Variants in ATG10 observed in about 807,000 individuals in gnomAD.
ATG10 encodes the protein ubiquitin-like-conjugating enzyme ATG10.
Under a neutral mutation model 32.1 loss-of-function variants are expected in ATG10, and 30 were observed. The observed-to-expected ratio is 0.94, with a 90% CI of 0.70 to 1.27. The LOEUF (loss-of-function observed/expected upper bound fraction) is 1.27. Ranked by LOEUF, ATG10 falls within the 50% of genes most tolerant of loss-of-function variation. The pLI, the probability that ATG10 is intolerant of heterozygous loss-of-function variation, is 0.00. For synonymous variants in ATG10, 87 were observed against 91.5 expected (o/e 0.95, Z 0.28); for missense variants, 233 against 262.3 (o/e 0.89, Z 0.77).
Position 82,060,101 on chromosome 5 carries a change from A to G in ATG10, c.216+1499A>G, listed in dbSNP as rs539957224. Among the ~76,000 whole-genome samples the G allele has an allele frequency of 5.3e-5, 8 of 152,326 alleles. No homozygotes were observed. In the East Asian group the frequency reaches 9.6e-4, roughly 18 times the overall value. ...TTCTGGTTGATGTTTTAACTTCACA[A>G]AGTTTAAAGATGTGCACATACTATG... On this transcript the variant is annotated intron_variant, in intron 3 of 7. Coordinates refer to ENST00000282185, the MANE Select transcript of ATG10 (RefSeq NM_031482.5).
chr5:82,139,683 CG>C (rs1766974276), intron 3 of ATG10, among the ~76,000 whole-genome samples: 1 of 146,628 alleles, frequency 6.8e-6, no homozygotes, highest in Non-Finnish European at 1.5e-5. Flanking sequence ...CGTCTCCGCC[CG>C]GCAGCCACCC....
Position 82,189,612 on chromosome 5 carries a change from T to C in ATG10, c.453+11025T>C, listed in dbSNP as rs137876743. ...ATTTTAAGTGTTTTGAAATGTTTTT[T>C]AACTTTGTTTTTGTTTTTTGTTTTT... On this transcript the variant is annotated intron_variant, in intron 5 of 7. Transcript: ENST00000282185. Among the ~76,000 whole-genome samples, 36 of 152,316 alleles carry C rather than the reference T, an allele frequency of 2.4e-4. No individual in the cohort carries two copies. In the East Asian group the frequency reaches 6.2e-3, roughly 26 times the overall value.
At position 82,223,559 on chromosome 5, in the gene ATG10, G is replaced by A. The variant is rs376357157; in HGVS notation, c.454-29003G>A. 4.8e-3 allele frequency among the ~76,000 whole-genome samples: 731 copies of A among 152,292 alleles called. 3 individuals carry two copies. Among genetic ancestry groups the A allele is most frequent in the Middle Eastern group, 0.014 (4 of 294 alleles). ...CCAATAACCAACAAATAGAGATTTA[G>A]TGGTGGTGTATATAAACAGCACTAT... On this transcript the variant is annotated intron_variant, in intron 5 of 7. Transcript: ENST00000282185.
At chr5:82,125,464 A>G (rs1263587471) in intron 3 of ATG10, among the ~76,000 whole-genome samples, 1 of 152,176 alleles carries the variant, frequency 6.6e-6, no homozygotes, top group East Asian at 1.9e-4. Context: ...TGTGTAAGGA[A>G]AGTGTCCAGT....
chr5:81,998,128 C>T (rs1383332241), intron 2 of ATG10, among the ~76,000 whole-genome samples: 1 of 152,102 alleles, frequency 6.6e-6, no homozygotes, highest in Non-Finnish European at 1.5e-5. Context: ...ATTTTAAAGG[C>T]AGCTAGAGAG....
At chr5:82,153,613 T>C (rs765955026) in intron 3 of ATG10, among the ~76,000 whole-genome samples, 1 of 152,266 alleles carries the variant, frequency 6.6e-6, no homozygotes, top group Non-Finnish European at 1.5e-5. Flanking sequence ...GTGATTAGGA[T>C]ACTAAAATGA....
At chr5:82,014,337 T>C (rs1762215689) in intron 2 of ATG10, among the ~76,000 whole-genome samples, 1 of 152,234 alleles carries the variant, frequency 6.6e-6, no homozygotes, top group Admixed American at 6.5e-5. Context: ...TGTAGATGTC[T>C]ATTAGGTCCA....
intron 2 of ATG10, among the ~76,000 whole-genome samples, chr5:81,988,594 C>T (rs540448177): frequency 1.2e-4 from 18 of 152,052 alleles, no homozygotes; most frequent in South Asian, 2.1e-4. Flanking sequence ...CCACTGTACC[C>T]GGCTAATTTT....
chr5:82,005,776 A>G (rs1453344852), intron 2 of ATG10, among the ~76,000 whole-genome samples: 1 of 152,206 alleles, frequency 6.6e-6, no homozygotes, highest in African/African-American at 2.4e-5. Flanking sequence ...TCACTTTTGT[A>G]TAGCAGAAAC....
chr5:82,247,928 C>A (rs1747097790), intron 5 of ATG10, among the ~76,000 whole-genome samples: 1 of 152,062 alleles, frequency 6.6e-6, no homozygotes, highest in East Asian at 1.9e-4. Context: ...TTTAGACTGC[C>A]TTCCTCAGGG....
intron 5 of ATG10, among the ~76,000 whole-genome samples, chr5:82,191,438 C>G (rs543272076): frequency 9.5e-4 from 145 of 152,270 alleles, no homozygotes; most frequent in African/African-American, 3.3e-3. Context: ...CCATGGAAGC[C>G]CTTAAGGTCT....
intron 5 of ATG10, among the ~76,000 whole-genome samples, chr5:82,203,805 T>A (rs1745177384): frequency 6.6e-6 from 1 of 152,224 alleles, no homozygotes; most frequent in African/African-American, 2.4e-5. Flanking sequence ...TGACTGCTTT[T>A]TAAATCTCTA....
At chr5:82,103,769 G>A (rs563414851) in intron 3 of ATG10, among the ~76,000 whole-genome samples, 1 of 152,202 alleles carries the variant, frequency 6.6e-6, no homozygotes, top group South Asian at 2.1e-4. Context: ...TAAAAAGCTT[G>A]GTGGGTGTTC....
At chr5:82,087,671 G>C (rs1764737160) in intron 3 of ATG10, among the ~76,000 whole-genome samples, 1 of 152,094 alleles carries the variant, frequency 6.6e-6, no homozygotes, top group Admixed American at 6.6e-5. Flanking sequence ...ACCCCAACTG[G>C]ACACTAGTTT....
In ATG10 at chr5:82,136,747, A is replaced by T. The variant is rs115439372; in HGVS notation, c.217-27652A>T. Among the ~76,000 whole-genome samples, 647 of 152,112 alleles carry T rather than the reference A, an allele frequency of 4.3e-3. 6 individuals are homozygous for T. Among genetic ancestry groups the T allele is most frequent in the African/African-American group, 0.014 (595 of 41,498 alleles). ...ATATTCTCTGAATTTTCTGAATTTG[A>T]GTGTTGGCCTGTTTTGCTAGGTTGG... On this transcript the variant is annotated intron_variant, in intron 3 of 7. Transcript: ENST00000282185.
intron 3 of ATG10, among the ~76,000 whole-genome samples, chr5:82,073,893 G>C (rs1764199059): frequency 2.6e-5 from 4 of 152,166 alleles, no homozygotes; most frequent in Admixed American, 2.6e-4. Context: ...CAGCTTTACT[G>C]TTTCAGAATA....
intron 5 of ATG10, among the ~76,000 whole-genome samples, chr5:82,237,436 G>GA (rs1746608607): frequency 6.6e-6 from 1 of 152,044 alleles, no homozygotes. Flanking sequence ...CTGAGGTCAG[G>GA]AGTTCGAGAC....
rs984276490 is a variant in ATG10 at position 82,064,006 on chromosome 5, A to T, written c.216+5404A>T. On this transcript the variant is annotated intron_variant, in intron 3 of 7. Transcript: ENST00000282185. ...TAAAAAAATTGAATAAGCAAATTTC[A>T]TGAAAGGGATTGATTGTGCTCATGA... Among the ~76,000 whole-genome samples, 70 of 152,362 alleles carry T rather than the reference A, an allele frequency of 4.6e-4. 1 individual carries two copies. Among genetic ancestry groups the T allele is most frequent in the Middle Eastern group, 3.4e-3 (1 of 294 alleles).
In ATG10 at chr5:82,139,111, C is replaced by T. The variant is rs1252949492; in HGVS notation, c.217-25288C>T. ...CGCCAACCTCGGCCTCCCGAGGTGC[C>T]GGGATTGCAGACGGAGTCTCGTTCA... is the stretch of plus-strand genomic sequence containing the variant. On this transcript the variant is annotated intron_variant, in intron 3 of 7. Transcript: ENST00000282185. 5.5e-3 allele frequency among the ~76,000 whole-genome samples: 810 copies of T among 146,068 alleles called. 2 individuals are homozygous for T. Among genetic ancestry groups the T allele is most frequent in the African/African-American group, 0.019 (761 of 39,040 alleles).
Sources: allele counts gnomAD v4.1 joint callset (sites outside exome capture counted in the v4.1 genomes callset), GRCh38; gene constraint gnomAD v4.1.1; transcripts MANE v1.5; gene names NCBI Gene and HGNC (gene_info 2026-07-23, HGNC 2026-07-21).